PARP15: variants seen among roughly 807,000 people sequenced by gnomAD.
PARP15 encodes protein mono-ADP-ribosyltransferase PARP15.
Under a neutral mutation model 62.1 loss-of-function variants are expected in PARP15, and 50 were observed. The ratio of observed to expected loss-of-function variants is 0.81; its 90% confidence interval spans 0.64 to 1.02. The LOEUF is 1.02. Ranked by LOEUF, PARP15 falls within the 50% of genes least tolerant of loss-of-function variation. The pLI, the probability that PARP15 is intolerant of heterozygous loss-of-function variation, is 0.00. For missense variants in PARP15, 820 were observed against 826.5 expected, an observed-to-expected ratio of 0.99 and a Z score of 0.10; for synonymous variants, 309 against 293.1, an observed-to-expected ratio of 1.05 and a Z score of -0.55.
At chr3:122,632,023 G>A (rs1937084369) in intron 9 of PARP15, 63 bp from the exon 10 acceptor site, 4 of 1,595,846 alleles carry the variant, frequency 2.5e-6, no homozygotes, top group Middle Eastern at 1.7e-4. Flanking sequence ...CAGAGGAGGT[G>A]CCCTGATTTT....
chr3:122,632,774 T>C (rs183522467), intron 10 of PARP15, among the ~76,000 whole-genome samples: 2 of 152,360 alleles, frequency 1.3e-5, no homozygotes, highest in East Asian at 3.9e-4. Context: ...TACCTTGTTC[T>C]GGTTGGCTTG....
At chr3:122,620,496 C>T (rs1014342409) in intron 7 of PARP15, among the ~76,000 whole-genome samples, 4 of 152,134 alleles carry the variant, frequency 2.6e-5, no homozygotes, top group African/African-American at 4.8e-5. Context: ...TTCCCACAAC[C>T]GACCTGCTAC....
intron 1 of PARP15, chr3:122,594,645 T>A (rs1043328062): frequency 8.8e-6 from 8 of 913,036 alleles, no homozygotes; most frequent in Non-Finnish European, 1.0e-5. Flanking sequence ...CATCTAATTT[T>A]AATTTGTGGT....
Position 122,619,833 on chromosome 3 carries a change from T to A in PARP15, c.1053T>A (p.Cys351Ter). Residue 351 changes from cysteine (C) to a stop codon, truncating the protein, a stop_gained, in exon 7 of 12, where the codon TGT becomes TGA. Coordinates refer to ENST00000464300, the MANE Select transcript of PARP15 (RefSeq NM_001113523.3). LOFTEE classifies it high-confidence loss of function. ...EGAGQAVESE[C>*]AVLAAQPHRD... Reference sequence around the variant, plus strand: ...CTGGACAAGCTGTGGAAAGTGAATGTGCTGTACTAGGTATGGGCACATGTT... The same window carrying A: ...CTGGACAAGCTGTGGAAAGTGAATGAGCTGTACTAGGTATGGGCACATGTT... 6.2e-7 allele frequency: 1 copy of A among 1,613,196 alleles called. No individual in the cohort carries two copies. The highest frequency in any genetic ancestry group is 8.5e-7 in the Non-Finnish European group (1 of 1,179,120).
At chr3:122,615,156 AACTCT>A (rs1411732886) in intron 4 of PARP15, 53 of 1,155,554 alleles carry the variant, frequency 4.6e-5, no homozygotes, top group Non-Finnish European at 5.7e-5. Context: ...GAAACTTTAT[AACTCT>A]ACTCTGTCGC....
At chr3:122,590,088 G>A (rs1301865935) in intron 1 of PARP15, among the ~76,000 whole-genome samples, 3 of 151,274 alleles carry the variant, frequency 2.0e-5, no homozygotes, top group Non-Finnish European at 2.9e-5. Context: ...GAGTTTCACC[G>A]TGTTAGCCAG....
chr3:122,588,385 G>GT (rs544429166), intron 1 of PARP15, among the ~76,000 whole-genome samples: 2 of 148,370 alleles, frequency 1.3e-5, no homozygotes, highest in Non-Finnish European at 3.0e-5. Flanking sequence ...ATTGATTCTT[G>GT]TTTTTTGGTA....
chr3:122,625,899 T>C (rs1014492540), intron 8 of PARP15, among the ~76,000 whole-genome samples: 3 of 152,212 alleles, frequency 2.0e-5, no homozygotes, highest in Non-Finnish European at 2.9e-5. Context: ...AACTCAGCTC[T>C]TCTGCATCCA....
chr3:122,620,545 T>C (rs1275887423), intron 7 of PARP15, among the ~76,000 whole-genome samples: 1 of 152,166 alleles, frequency 6.6e-6, no homozygotes, highest in African/African-American at 2.4e-5. Flanking sequence ...GTCCTCTGAT[T>C]AAGAAATTTC....
chr3:122,617,260 T>C (rs1936039727), intron 6 of PARP15, 96 bp downstream of exon 6: 1 of 1,294,346 alleles, frequency 7.7e-7, no homozygotes, highest in Non-Finnish European at 1.1e-6. Context: ...CAGAGAGTGT[T>C]GTAGAAAATA....
chr3:122,588,880 T>C (rs1434578728), intron 1 of PARP15, among the ~76,000 whole-genome samples: 2 of 152,186 alleles, frequency 1.3e-5, no homozygotes, highest in Admixed American at 1.3e-4. Flanking sequence ...TTTTTCCAGG[T>C]ATGTTGCAGA....
intron 3 of PARP15, among the ~76,000 whole-genome samples, chr3:122,611,777 C>A (rs188187785): frequency 6.6e-6 from 1 of 151,078 alleles, no homozygotes; most frequent in Admixed American, 6.6e-5. Flanking sequence ...TGCAATGGCA[C>A]AATCTTGGCT....
chr3:122,603,707 T>A (rs9840434), intron 1 of PARP15, among the ~76,000 whole-genome samples: 151,643 of 152,308 alleles, frequency 1, 75,497 homozygotes, highest in Middle Eastern at 1. Flanking sequence ...TCACCCAAAG[T>A]ATTCTCTGGG....
At chr3:122,610,119 T>A (rs1324748494) in intron 2 of PARP15, among the ~76,000 whole-genome samples, 1 of 152,240 alleles carries the variant, frequency 6.6e-6, no homozygotes, top group Non-Finnish European at 1.5e-5. Context: ...TCTTTCTGTG[T>A]TTTTGTTTCT....
At chr3:122,627,660 C>A (rs1936819161) in intron 9 of PARP15, among the ~76,000 whole-genome samples, 1 of 152,176 alleles carries the variant, frequency 6.6e-6, no homozygotes, top group African/African-American at 2.4e-5. Context: ...CTATTTTCAG[C>A]CATTTGGAGC....
At chr3:122,585,281 A>G (rs967512775) in intron 1 of PARP15, among the ~76,000 whole-genome samples, 1 of 152,234 alleles carries the variant, frequency 6.6e-6, no homozygotes, top group African/African-American at 2.4e-5. Flanking sequence ...CAGGAGGTCA[A>G]AGCTGCAGAG....
intron 2 of PARP15, among the ~76,000 whole-genome samples, chr3:122,610,176 A>T (rs981358161): frequency 6.7e-6 from 1 of 149,724 alleles, no homozygotes; most frequent in Non-Finnish European, 1.5e-5. Context: ...TTCTTTCTCC[A>T]TTTCTCTCTC....
intron 1 of PARP15, among the ~76,000 whole-genome samples, chr3:122,578,103 G>A (rs1212239227): frequency 1.3e-5 from 2 of 151,580 alleles, no homozygotes; most frequent in Non-Finnish European, 2.9e-5. Flanking sequence ...AGTTTGAAAG[G>A]ATATGAGTCC....
intron 1 of PARP15, among the ~76,000 whole-genome samples, chr3:122,601,742 T>C (rs897397458): frequency 1.3e-5 from 2 of 152,246 alleles, no homozygotes; most frequent in African/African-American, 4.8e-5. Context: ...GAAACATTCA[T>C]GTGCAGGTAT....
Sources: allele counts gnomAD v4.1 joint callset (sites outside exome capture counted in the v4.1 genomes callset), GRCh38; gene constraint gnomAD v4.1.1; transcripts MANE v1.5; gene names NCBI Gene and HGNC (gene_info 2026-07-23, HGNC 2026-07-21).